IL1R1: variants seen among roughly 807,000 people sequenced by gnomAD.
IL1R1 encodes the protein interleukin-1 receptor type 1.
Under a neutral mutation model 50.2 loss-of-function variants are expected in IL1R1, and 22 were observed. The ratio of observed to expected loss-of-function variants is 0.44; its 90% confidence interval spans 0.31 to 0.63. The LOEUF is 0.63. Among genes scored for constraint, IL1R1 ranks in the 20% least tolerant of loss-of-function variants. The pLI, the probability that IL1R1 is intolerant of heterozygous loss-of-function variation, is 0.07. For missense variants in IL1R1, 509 were observed against 676.2 expected, an observed-to-expected ratio of 0.75 and a Z score of 2.74; for synonymous variants, 251 against 236.7, an observed-to-expected ratio of 1.06 and a Z score of -0.55.
intron 1 of IL1R1, among the ~76,000 whole-genome samples, chr2:102,113,182 A>G (rs1226664602): frequency 6.6e-6 from 1 of 152,244 alleles, no homozygotes; most frequent in Non-Finnish European, 1.5e-5. Flanking sequence ...ATCTTTAAAG[A>G]CTTTCAGTAA....
At chr2:102,114,548 C>T (rs540736618) in intron 1 of IL1R1, among the ~76,000 whole-genome samples, 1 of 152,166 alleles carries the variant, frequency 6.6e-6, no homozygotes, top group Non-Finnish European at 1.5e-5. Flanking sequence ...TCGAGATTAA[C>T]GTAGTGGGTT....
intron 1 of IL1R1, among the ~76,000 whole-genome samples, chr2:102,110,189 G>A (rs1324707780): frequency 6.6e-6 from 1 of 152,076 alleles, no homozygotes. Context: ...CACTCATAGT[G>A]TGCACCATTC....
In IL1R1 at chr2:102,174,725, T is replaced by C. The variant is rs1235036141; in HGVS notation, c.1130T>C (p.Ile377Thr). 1 of 1,606,376 alleles carries C rather than the reference T, an allele frequency of 6.2e-7. No homozygotes were observed. Among genetic ancestry groups the C allele is most frequent in the Admixed American group, 1.7e-5 (1 of 58,558 alleles). Residue 377 changes from isoleucine (I) to threonine (T), a missense_variant, in exon 10 of 12, where the codon ATA becomes ACA. Physicochemically the swap from Ile to Thr is moderately conservative, Grantham distance 89. Transcript: ENST00000410023. ...YRDSCYDFLP[I>T]KASDGKTYDA... is the part of the protein sequence containing the mutation. Reference sequence around the variant, plus strand: ...GATTCCTGCTATGATTTTCTCCCAATAAAAGGTATAATTTTGTATTCCATG... The same window carrying C: ...GATTCCTGCTATGATTTTCTCCCAACAAAAGGTATAATTTTGTATTCCATG...
intron 1 of IL1R1, among the ~76,000 whole-genome samples, chr2:102,088,592 A>T (rs1679529507): frequency 6.6e-6 from 1 of 152,216 alleles, no homozygotes; most frequent in African/African-American, 2.4e-5. Flanking sequence ...GCGTCAACTT[A>T]AAGTCACCAG....
At chr2:102,153,838 C>G (rs925368490) in intron 1 of IL1R1, 103 bp from the exon 2 acceptor site, 1 of 152,358 alleles carries the variant, frequency 6.6e-6, no homozygotes, top group Non-Finnish European at 1.5e-5. Context: ...TTCTTTATAG[C>G]AGCGTGAAAA....
chr2:102,118,755 C>A (rs111950762), intron 1 of IL1R1, among the ~76,000 whole-genome samples: 1 of 152,052 alleles, frequency 6.6e-6, no homozygotes, highest in Non-Finnish European at 1.5e-5. Context: ...TGGTGGCTCA[C>A]GCCTGTAATC....
At chr2:102,109,322 G>T (rs1193058857) in intron 1 of IL1R1, among the ~76,000 whole-genome samples, 1 of 151,600 alleles carries the variant, frequency 6.6e-6, no homozygotes, top group Non-Finnish European at 1.5e-5. Context: ...ACTCTTCTGG[G>T]TTCTTTAAGT....
chr2:102,070,684 G>A (rs1678676927), intron 1 of IL1R1, among the ~76,000 whole-genome samples: 1 of 152,202 alleles, frequency 6.6e-6, no homozygotes, highest in South Asian at 2.1e-4. Flanking sequence ...AAGGTTCACC[G>A]AACCTCCAAG....
chr2:102,073,384 A>G (rs1678822830), intron 1 of IL1R1, among the ~76,000 whole-genome samples: 1 of 152,210 alleles, frequency 6.6e-6, no homozygotes, highest in Admixed American at 6.5e-5. Flanking sequence ...CTGACTGTGA[A>G]GAAAAGCTGG....
Position 102,072,121 on chromosome 2 carries a change from A to G in IL1R1, c.-84+1588A>G, listed in dbSNP as rs556909242. ...AAAAATACAAAAAAATTAGCTGGGC[A>G]TGGTGGCCTGTGCCTGTAATCCTAG... On this transcript the variant is annotated intron_variant, in intron 1 of 11. Transcript: ENST00000409929. Among the ~76,000 whole-genome samples, 198 of 152,142 alleles carry G rather than the reference A, an allele frequency of 1.3e-3. 1 individual carries two copies. Among genetic ancestry groups the G allele is most frequent in the African/African-American group, 4.3e-3 (180 of 41,506 alleles).
chr2:102,172,277 G>A (rs1559507851), intron 8 of IL1R1: 1 of 985,238 alleles, frequency 1.0e-6, no homozygotes, highest in East Asian at 1.1e-4. Flanking sequence ...GCTCTCGAAA[G>A]CCTCTACTGG....
chr2:102,143,738 C>T (rs893085255), intron 1 of IL1R1, among the ~76,000 whole-genome samples: 1 of 152,222 alleles, frequency 6.6e-6, no homozygotes, highest in African/African-American at 2.4e-5. Context: ...AGGGCTTTCT[C>T]CTCTGCACTG....
chr2:102,121,935 G>A (rs984468025), intron 1 of IL1R1, among the ~76,000 whole-genome samples: 4 of 152,110 alleles, frequency 2.6e-5, no homozygotes, highest in Admixed American at 2.0e-4. Context: ...CTCACCTCAA[G>A]GTAATAGATG....
intron 1 of IL1R1, among the ~76,000 whole-genome samples, chr2:102,090,653 C>A (rs1170610102): frequency 6.6e-6 from 1 of 152,070 alleles, no homozygotes; most frequent in Non-Finnish European, 1.5e-5. Context: ...TATTAGATTC[C>A]TTTTTATAGA....
At chr2:102,142,480 T>C (rs1211969659), upstream of IL1R1, 1 of 152,028 alleles carries the variant, frequency 6.6e-6, no homozygotes. Flanking sequence ...CTAACTCTAG[T>C]GGAGCCGCCG....
chr2:102,099,054 A>G (rs1680023104), intron 1 of IL1R1, among the ~76,000 whole-genome samples: 1 of 152,216 alleles, frequency 6.6e-6, no homozygotes, highest in Non-Finnish European at 1.5e-5. Flanking sequence ...TTCCTTATTC[A>G]CTAAAATAAC....
At chr2:102,118,339 C>T (rs962547343) in intron 1 of IL1R1, among the ~76,000 whole-genome samples, 3 of 152,178 alleles carry the variant, frequency 2.0e-5, no homozygotes, top group Non-Finnish European at 4.4e-5. Flanking sequence ...CCATACACCT[C>T]GCCCTGCATA....
At chr2:102,145,414 C>T (rs1431787736) in intron 1 of IL1R1, among the ~76,000 whole-genome samples, 6 of 152,086 alleles carry the variant, frequency 3.9e-5, no homozygotes, top group South Asian at 2.1e-4. Context: ...GCCCTGGCCC[C>T]GAGTTATCTC....
chr2:102,096,759 T>C (rs970687011), intron 1 of IL1R1, among the ~76,000 whole-genome samples: 17 of 152,088 alleles, frequency 1.1e-4, no homozygotes, highest in African/African-American at 4.1e-4. Context: ...CCTTTGAGTC[T>C]TTTTAAAACT....
Sources: allele counts gnomAD v4.1 joint callset (sites outside exome capture counted in the v4.1 genomes callset), GRCh38; gene constraint gnomAD v4.1.1; transcripts MANE v1.5; gene names NCBI Gene and HGNC (gene_info 2026-07-23, HGNC 2026-07-21).